ABCA3: variants seen among roughly 807,000 people sequenced by gnomAD.
The protein encoded by ABCA3 is phospholipid-transporting ATPase ABCA3.
ABCA3 carries 88 observed loss-of-function variants against 172.8 expected under a neutral mutation model. The observed-to-expected ratio is 0.51, with a 90% CI of 0.43 to 0.61. The LOEUF (loss-of-function observed/expected upper bound fraction) is 0.61. ABCA3 is among the 20% of genes least tolerant of loss of function. ABCA3 has a pLI of 0.00. For synonymous variants in ABCA3, 1,066 were observed against 983.8 expected (o/e 1.08, Z -1.56); for missense variants, 2,164 against 2,301.0 (o/e 0.94, Z 1.22).
rs564359245 is a variant in ABCA3 at position 2,278,607 on chromosome 16, T to G, written c.4548-149A>C. On this transcript the variant is annotated intron_variant, in intron 29 of 32. Coordinates refer to ENST00000301732, the MANE Select transcript of ABCA3 (RefSeq NM_001089.3). The surrounding 1 kb of genome is among the most constrained non-coding windows in gnomAD (Gnocchi z 4.4). ...AAGAGGAAGGAGCTGTGTGTGCACCTGGAAAGCCCACCGCATAGGGCTGGA... is the reference window on the plus strand; with the variant it reads ...AAGAGGAAGGAGCTGTGTGTGCACCGGGAAAGCCCACCGCATAGGGCTGGA... The G allele has an allele frequency of 2.5e-5, 29 of 1,154,842 alleles. No individual in the cohort carries two copies. In the East Asian group the frequency reaches 6.7e-4, roughly 27 times the overall value. 71.5% of individuals were successfully genotyped at this position (1,154,842 alleles called of 1,614,324 possible). A position where few individuals can be genotyped will look rare whatever the true frequency, so the allele number is the denominator to read the frequency against.
At chr16:2,335,568 C>A (rs1035057302) in intron 1 of ABCA3, among the ~76,000 whole-genome samples, 1 of 152,152 alleles carries the variant, frequency 6.6e-6, no homozygotes, top group Admixed American at 6.6e-5. Flanking sequence ...CCACACCCTG[C>A]CAGCTTTACT....
In ABCA3 at chr16:2,307,110, T is replaced by C. The variant is rs146606387; in HGVS notation, c.1285+1340A>G. Among the ~76,000 whole-genome samples, 10 of 151,228 alleles carry C rather than the reference T, an allele frequency of 6.6e-5. No homozygotes were observed. The East Asian group carries it at 1.5e-3, about 23-fold the overall frequency. ...CAGGCTGGGTGACACAGCGAGACCC[T>C]GTCTCAAAAAACAAAAAAGAAAAGA... On this transcript the variant is annotated intron_variant, in intron 11 of 32. Coordinates refer to ENST00000301732, the MANE Select transcript of ABCA3 (RefSeq NM_001089.3).
Position 2,295,831 on chromosome 16 carries a change from G to T in ABCA3, c.2264-91C>A, listed in dbSNP as rs563177392. The T allele has an allele frequency of 6.5e-5, 101 of 1,563,892 alleles. 3 individuals carry two copies. The South Asian group carries it at 1.1e-3, about 17-fold the overall frequency. Reference sequence around the variant, plus strand: ...GGTCTCTAGGGCTCACACCAGGCAAGCTGGTGGGAAGGAGGCTAGAGAACC... The same window carrying T: ...GGTCTCTAGGGCTCACACCAGGCAATCTGGTGGGAAGGAGGCTAGAGAACC... On this transcript the variant is annotated intron_variant, in intron 17 of 32. Coordinates refer to ENST00000301732, the MANE Select transcript of ABCA3 (RefSeq NM_001089.3).
At chr16:2,334,223 A>G (rs1241837637) in intron 1 of ABCA3, among the ~76,000 whole-genome samples, 1 of 152,092 alleles carries the variant, frequency 6.6e-6, no homozygotes, top group Non-Finnish European at 1.5e-5. Context: ...AGGACATTAC[A>G]GGATCCTGGA....
chr16:2,299,586 C>T, intron 13 of ABCA3, 54 bp from the exon 14 acceptor site: 1 of 1,607,440 alleles, frequency 6.2e-7, no homozygotes. Context: ...AGGCCCACGG[C>T]CAAGGCCTCT....
chr16:2,319,479 CA>C, intron 8 of ABCA3, 101 bp downstream of exon 8: 1 of 1,320,494 alleles, frequency 7.6e-7, no homozygotes, highest in Admixed American at 3.0e-5. Context: ...AGCGAGACTC[CA>C]ACTCAAAAAA....
At chr16:2,331,282 A>G (rs1292618307) in intron 1 of ABCA3, among the ~76,000 whole-genome samples, 1 of 151,708 alleles carries the variant, frequency 6.6e-6, no homozygotes, top group Non-Finnish European at 1.5e-5. Flanking sequence ...TCGGCTCACA[A>G]CAACCTCCAC....
intron 15 of ABCA3, 145 bp from the exon 16 acceptor site, chr16:2,298,066 G>A: frequency 3.6e-6 from 3 of 829,078 alleles, no homozygotes; most frequent in East Asian, 3.8e-5. Context: ...CGGCCAGCAA[G>A]GTTCTGGTGA....
chr16:2,318,507 T>C (rs2093720245), intron 8 of ABCA3, among the ~76,000 whole-genome samples: 2 of 151,916 alleles, frequency 1.3e-5, no homozygotes, highest in Admixed American at 6.6e-5. Flanking sequence ...TTTTCTTTCT[T>C]TTTCTCTTTT....
chr16:2,284,142 G>A lies in ABCA3; in HGVS notation c.3862+137C>T, dbSNP rs2093659171. 8.7e-7 allele frequency: 1 copy of A among 1,154,970 alleles called. No homozygotes were observed. Among genetic ancestry groups the A allele is most frequent in the Admixed American group, 2.6e-5 (1 of 37,982 alleles). The allele number at this position is 1,154,970 out of a possible 1,614,324, so 71.5% of individuals were successfully genotyped here. On this transcript the variant is annotated intron_variant, in intron 25 of 32. Transcript: ENST00000301732. The surrounding 1 kb of genome is among the most constrained non-coding windows in gnomAD (Gnocchi z 5.9). ...GCGAGGGGGCTGCTGTGGGAGGTGGGGCAAGGCGGTACAGAGGAACGCACC... is the reference window on the plus strand; with the variant it reads ...GCGAGGGGGCTGCTGTGGGAGGTGGAGCAAGGCGGTACAGAGGAACGCACC...
intron 12 of ABCA3, among the ~76,000 whole-genome samples, chr16:2,300,654 C>G (rs1054362231): frequency 3.3e-5 from 5 of 152,198 alleles, no homozygotes; most frequent in Non-Finnish European, 7.4e-5. Flanking sequence ...AGAAATAACT[C>G]AGTGCATGGG....
rs776188781 is a variant in ABCA3, at chr16:2,278,094, T to C, written c.4719-25A>G. 2 of 1,613,002 alleles carry C rather than the reference T, an allele frequency of 1.2e-6. No individual in the cohort carries two copies. The highest frequency in any genetic ancestry group is 1.7e-5 in the Admixed American group (1 of 59,980). ...GCTGTGGAGAGGGCGGGACCTCAGA[T>C]AGGGCTTGGGGTGCCAAAGGCTTGT... On this transcript the variant is annotated intron_variant, in intron 30 of 32. Coordinates refer to ENST00000301732, the MANE Select transcript of ABCA3 (RefSeq NM_001089.3). The surrounding 1 kb of genome is among the most constrained non-coding windows in gnomAD (Gnocchi z 4.4).
In ABCA3 at chr16:2,278,591, G is replaced by A. The variant is rs2093650334; in HGVS notation, c.4548-133C>T. On this transcript the variant is annotated intron_variant, in intron 29 of 32. Transcript: ENST00000301732. The surrounding 1 kb of genome is among the most constrained non-coding windows in gnomAD (Gnocchi z 4.4). ...CAGAACAGCCCTAGTGAAGAGGAAG[G>A]AGCTGTGTGTGCACCTGGAAAGCCC... is the stretch of plus-strand genomic sequence containing the variant. 2 of 1,251,922 alleles carry A rather than the reference G, an allele frequency of 1.6e-6. No individual in the cohort carries two copies. The highest frequency in any genetic ancestry group is 2.2e-6 in the Non-Finnish European group (2 of 894,674). The allele number at this position is 1,251,922 out of a possible 1,614,324, so 77.6% of individuals were successfully genotyped here.
chr16:2,323,976 A>G (rs1251949514), intron 6 of ABCA3, among the ~76,000 whole-genome samples: 2 of 152,186 alleles, frequency 1.3e-5, no homozygotes, highest in African/African-American at 4.8e-5. Context: ...GCCAACCACA[A>G]TGCTAGATGG....
intron 28 of ABCA3, 73 bp downstream of exon 28, chr16:2,280,954 T>C: frequency 1.3e-6 from 2 of 1,594,270 alleles, no homozygotes; most frequent in East Asian, 4.5e-5. Context: ...AGCATCCCTC[T>C]GTCCCTGCCT....
At chr16:2,296,351 A>G (rs2093679795) in intron 17 of ABCA3, among the ~76,000 whole-genome samples, 1 of 151,820 alleles carries the variant, frequency 6.6e-6, no homozygotes. Context: ...CTCCTGCCTC[A>G]GCCTCCCCAA....
At chr16:2,332,800 C>A (rs1365448213) in intron 1 of ABCA3, 3 of 660,866 alleles carry the variant, frequency 4.5e-6, no homozygotes, top group Non-Finnish European at 5.1e-6. Flanking sequence ...AATTTGCCAC[C>A]CAATTCCTAT....
At chr16:2,340,020 C>T (rs2093758037) in intron 1 of ABCA3, among the ~76,000 whole-genome samples, 1 of 152,264 alleles carries the variant, frequency 6.6e-6, no homozygotes, top group Non-Finnish European at 1.5e-5. Flanking sequence ...CAAACGCCCG[C>T]CGCGGACCGT....
chr16:2,313,552 CAA>C (rs56389139), intron 10 of ABCA3, among the ~76,000 whole-genome samples: 14,011 of 60,920 alleles, frequency 0.23, 216 homozygotes, highest in Middle Eastern at 0.29. Context: ...GACTCTGTCA[CAA>C]AAAAAAAAAA....
Sources: gnomAD v4.1 joint callset for allele counts (sites outside exome capture counted in the v4.1 genomes callset) on GRCh38, gnomAD v4.1.1 for gene constraint, Gnocchi (gnomAD v3.1) non-coding constraint, MANE v1.5 for transcripts, NCBI Gene and HGNC (gene_info 2026-07-23, HGNC 2026-07-21) for gene names.